The following TINCR variants were observed in gnomAD, a reference collection of about 807,000 sequenced individuals.
TINCR encodes the protein TINCR-encoded ubiquitin-like protein.
At position 5,563,141 on chromosome 19, in the gene TINCR, C is replaced by T. The variant is rs906916620; in HGVS notation, c.261-192G>A. ...AGGAGGAGCAAGCAGGGAGGGAATA[C>T]AGCAGGTCATCCAGGGTCTTGCAAG... On this transcript the variant is annotated intron_variant, in intron 1 of 1. Transcript: ENST00000646160. The surrounding 1 kb of genome is among the most constrained non-coding windows in gnomAD (Gnocchi z 4.7). Among the ~76,000 whole-genome samples, 3 of 151,898 alleles carry T rather than the reference C, an allele frequency of 2.0e-5. No individual in the cohort carries two copies. Among genetic ancestry groups the T allele is most frequent in the African/African-American group, 7.3e-5 (3 of 41,368 alleles).
chr19:5,562,150 ATTCC>A (rs1035885050), downstream of TINCR: 10 of 152,664 alleles, frequency 6.6e-5, no homozygotes, highest in African/African-American at 2.2e-4. The surrounding 1 kb of genome is among the most constrained non-coding windows in gnomAD (Gnocchi z 4.4). Flanking sequence ...ACCCCAGCCT[ATTCC>A]TTCAGCCAGT....
chr19:5,560,048 C>T (rs941829879), downstream of TINCR: 2 of 152,088 alleles, frequency 1.3e-5, no homozygotes, highest in Non-Finnish European at 2.9e-5. This position sits in a 1 kb window ranked among gnomAD's most constrained non-coding sequence, Gnocchi z 4.5. Context: ...GATAGGAAGA[C>T]CCCCCTCCAG....
Position 5,565,098 on chromosome 19 carries a change from G to A in TINCR, c.261-2149C>T, listed in dbSNP as rs1379051251. ...AGTCAAGGCCCAAGTCCTCCCTGCA[G>A]TCCGCAAGGCCCTGCATGAACTGCC... is the stretch of plus-strand genomic sequence containing the variant. On this transcript the variant is annotated intron_variant, in intron 1 of 1. Coordinates refer to ENST00000646160, the Ensembl canonical transcript of TINCR. This position sits in a 1 kb window ranked among gnomAD's most constrained non-coding sequence, Gnocchi z 4.0. Among the ~76,000 whole-genome samples, 1 of 152,090 alleles carries A rather than the reference G, an allele frequency of 6.6e-6. No individual in the cohort carries two copies. The highest frequency in any genetic ancestry group is 1.5e-5 in the Non-Finnish European group (1 of 68,002).
chr19:5,563,952 G>A lies in TINCR; in HGVS notation c.261-1003C>T, dbSNP rs961589286. Among the ~76,000 whole-genome samples the A allele has an allele frequency of 2.6e-5, 4 of 151,868 alleles. No individual in the cohort carries two copies. The highest frequency in any genetic ancestry group is 1.9e-4 in the East Asian group (1 of 5,172). On this transcript the variant is annotated intron_variant, in intron 1 of 1. Transcript: ENST00000646160. The surrounding 1 kb of genome is among the most constrained non-coding windows in gnomAD (Gnocchi z 4.7). ...ATAATAAATAAATAAAAGCATCCTCGCCAGGGGACAGCGGTAAGGCCACGT... is the reference window on the plus strand; with the variant it reads ...ATAATAAATAAATAAAAGCATCCTCACCAGGGGACAGCGGTAAGGCCACGT...
At chr19:5,564,433 G>C (rs1268296948) in intron 1 of TINCR, among the ~76,000 whole-genome samples, 2 of 152,148 alleles carry the variant, frequency 1.3e-5, no homozygotes, top group East Asian at 3.9e-4. Flanking sequence ...CACAGCCAGT[G>C]AACAGCAAAG....
chr19:5,563,840 G>A lies in TINCR; in HGVS notation c.261-891C>T, dbSNP rs1481854626. Among the ~76,000 whole-genome samples the A allele has an allele frequency of 1.3e-5, 2 of 152,114 alleles. No individual in the cohort carries two copies. Among genetic ancestry groups the A allele is most frequent in the African/African-American group, 4.8e-5 (2 of 41,418 alleles). The stretch of plus-strand genomic sequence containing the variant: ...TGAGGCAGGAGAATCGCTTGAACCC[G>A]GGAGGCAGAGGTTGCAGTGAGCCGA... On this transcript the variant is annotated intron_variant, in intron 1 of 1. Transcript: ENST00000646160. This position sits in a 1 kb window ranked among gnomAD's most constrained non-coding sequence, Gnocchi z 4.7.
chr19:5,564,482 G>A (rs2052117766), intron 1 of TINCR, among the ~76,000 whole-genome samples: 1 of 149,362 alleles, frequency 6.7e-6, no homozygotes, highest in Non-Finnish European at 1.5e-5. Flanking sequence ...AGACAAAGCT[G>A]GACTCTGCCA....
intron 1 of TINCR, among the ~76,000 whole-genome samples, chr19:5,566,741 G>A (rs766617079): frequency 6.6e-6 from 1 of 150,690 alleles, no homozygotes; most frequent in Non-Finnish European, 1.5e-5. Context: ...AGAGACACAA[G>A]GAGAAAAACA....
At chr19:5,566,512 C>T (rs1307181332) in intron 1 of TINCR, among the ~76,000 whole-genome samples, 1 of 148,570 alleles carries the variant, frequency 6.7e-6, no homozygotes, top group African/African-American at 2.5e-5. Flanking sequence ...ACAAAAGAGA[C>T]AGAGACTCAC....
chr19:5,562,587 AG>A (rs2052107103), downstream of TINCR: 1 of 152,248 alleles, frequency 6.6e-6, no homozygotes, highest in African/African-American at 2.4e-5. The surrounding 1 kb of genome is among the most constrained non-coding windows in gnomAD (Gnocchi z 4.4). Flanking sequence ...AGTAAAACGT[AG>A]AGAAGTCGGC....
exon 1 of TINCR, chr19:5,567,943 GC>G (rs2052141117): frequency 2.6e-6 from 1 of 377,568 alleles, no homozygotes; most frequent in Non-Finnish European, 4.7e-6. Flanking sequence ...CCCGGCTCCG[GC>G]TCCAGCTCTG....
At chr19:5,561,233 A>C (rs974989654), downstream of TINCR, 1 of 153,868 alleles carries the variant, frequency 6.5e-6, no homozygotes, top group Non-Finnish European at 1.5e-5. Context: ...ACAACCTCAA[A>C]GTCACACAGC....
At chr19:5,558,242 A>G (rs1217961028), downstream of TINCR, 3 of 152,220 alleles carry the variant, frequency 2.0e-5, no homozygotes, top group Non-Finnish European at 4.4e-5. Context: ...AAGCTGGGTG[A>G]TCCTGCGGCC....
In TINCR at chr19:5,565,684, G is replaced by A. The variant is rs1359453262; in HGVS notation, c.260+1981C>T. ...TCCCCGCTAAGATCTTCCCTCAAGA[G>A]GGCCTGGGGAGGGGGCCTCTCCTGC... is the stretch of plus-strand genomic sequence containing the variant. On this transcript the variant is annotated intron_variant, in intron 1 of 1. Transcript: ENST00000646160. This position sits in a 1 kb window ranked among gnomAD's most constrained non-coding sequence, Gnocchi z 4.0. Among the ~76,000 whole-genome samples, 1 of 152,110 alleles carries A rather than the reference G, an allele frequency of 6.6e-6. No individual in the cohort carries two copies. Among genetic ancestry groups the A allele is most frequent in the African/African-American group, 2.4e-5 (1 of 41,424 alleles).
Position 5,565,731 on chromosome 19 carries a change from C to T in TINCR, c.260+1934G>A, listed in dbSNP as rs975873884. On this transcript the variant is annotated intron_variant, in intron 1 of 1. Coordinates refer to ENST00000646160, the Ensembl canonical transcript of TINCR. This position sits in a 1 kb window ranked among gnomAD's most constrained non-coding sequence, Gnocchi z 4.0. Reference sequence around the variant, plus strand: ...CTGCCCCCATTGCAGCCCCAGACTCCTGCAACGGGGTGGCATCTGAGGCTC... The same window carrying T: ...CTGCCCCCATTGCAGCCCCAGACTCTTGCAACGGGGTGGCATCTGAGGCTC... 3.9e-5 allele frequency among the ~76,000 whole-genome samples: 6 copies of T among 152,210 alleles called. No homozygotes were observed. The highest frequency in any genetic ancestry group is 3.9e-4 in the Admixed American group (6 of 15,288).
At chr19:5,567,535 G>C (rs1365062529) in intron 1 of TINCR, 130 bp downstream of exon 1, 2 of 367,330 alleles carry the variant, frequency 5.4e-6, no homozygotes, top group Non-Finnish European at 4.9e-6. Flanking sequence ...GAGAGAGGCC[G>C]GGCGGGCAGC....
rs1346000109 is a variant in TINCR at position 5,563,744 on chromosome 19, C to T, written c.261-795G>A. Among the ~76,000 whole-genome samples, 1 of 152,058 alleles carries T rather than the reference C, an allele frequency of 6.6e-6. No homozygotes were observed. The highest frequency in any genetic ancestry group is 1.5e-5 in the Non-Finnish European group (1 of 68,026). ...AGCCTGGCCAACATGGTGAAACGGT[C>T]TCTACTAAAAATACAAAAAAATTAG... is the stretch of plus-strand genomic sequence containing the variant. On this transcript the variant is annotated intron_variant, in intron 1 of 1. Transcript: ENST00000646160. This position sits in a 1 kb window ranked among gnomAD's most constrained non-coding sequence, Gnocchi z 4.7.
intron 1 of TINCR, among the ~76,000 whole-genome samples, chr19:5,567,003 G>A (rs2052133184): frequency 6.6e-6 from 1 of 151,586 alleles, no homozygotes; most frequent in African/African-American, 2.4e-5. Context: ...AATCATCAGG[G>A]AAAGAAATAA....
At chr19:5,567,623 G>GCCCCCCCCCCCCCCCCCCC in intron 1 of TINCR, 42 bp downstream of exon 1, 1 of 328,352 alleles carries the variant, frequency 3.0e-6, no homozygotes, top group Non-Finnish European at 5.5e-6. Context: ...GGGGTCCCCG[G>GCCCCCCCCCCCCCCCCCCC]CCGCCGCCCC....
Sources: allele counts gnomAD v4.1 joint callset (sites outside exome capture counted in the v4.1 genomes callset), GRCh38; gene constraint gnomAD v4.1.1; non-coding constraint Gnocchi (gnomAD v3.1); transcripts MANE v1.5; gene names NCBI Gene and HGNC (gene_info 2026-07-23, HGNC 2026-07-21).